Variants in TSPAN17 observed in about 807,000 individuals in gnomAD.
The protein encoded by TSPAN17 is tetraspanin-17.
In TSPAN17, 33 loss-of-function variants were observed where a neutral mutation model predicts 40.5. The observed-to-expected ratio is 0.81, with a 90% CI of 0.62 to 1.09. The LOEUF (loss-of-function observed/expected upper bound fraction) is 1.09, where lower values mean the gene tolerates loss of function less well. TSPAN17 is among the 50% of genes least tolerant of loss of function. The pLI is 0.00. For missense variants in TSPAN17, 365 were observed against 416.8 expected (o/e 0.88, Z 1.08); for synonymous variants, 166 against 169.4 (o/e 0.98, Z 0.15).
At chr5:176,653,055 G>C (rs940066156) in intron 4 of TSPAN17, 142 bp downstream of exon 4, 1 of 853,516 alleles carries the variant, frequency 1.2e-6, no homozygotes, top group Non-Finnish European at 1.8e-6. Flanking sequence ...GAGTGTCCTC[G>C]TCCGAGGAGA....
intron 3 of TSPAN17, among the ~76,000 whole-genome samples, chr5:176,652,125 G>C (rs1348269831): frequency 3.3e-5 from 5 of 152,192 alleles, no homozygotes; most frequent in Non-Finnish European, 5.9e-5. Flanking sequence ...GAAAAGTCCA[G>C]GGTTGTGCTG....
intron 5 of TSPAN17, among the ~76,000 whole-genome samples, chr5:176,655,308 C>T (rs745493411): frequency 3.9e-5 from 6 of 152,182 alleles, no homozygotes; most frequent in Non-Finnish European, 7.3e-5. Context: ...TAAACACAGC[C>T]GCAGCCATTG....
chr5:176,653,786 T>G (rs1761053039), intron 4 of TSPAN17: 2 of 152,192 alleles, frequency 1.3e-5, no homozygotes, highest in Admixed American at 1.3e-4. Context: ...GCAGTTATGA[T>G]GCAGTTCATT....
rs897477337 is a variant in TSPAN17, at chr5:176,650,267, G to A, written c.88-1349G>A. 2.0e-5 allele frequency among the ~76,000 whole-genome samples: 3 copies of A among 152,200 alleles called. No homozygotes were observed. Among genetic ancestry groups the A allele is most frequent in the African/African-American group, 4.8e-5 (2 of 41,462 alleles). On this transcript the variant is annotated intron_variant, in intron 1 of 8. Coordinates refer to ENST00000508164, the MANE Select transcript of TSPAN17 (RefSeq NM_130465.5). The surrounding 1 kb of genome is among the most constrained non-coding windows in gnomAD (Gnocchi z 4.0). ...GAAGACGAGCGTGAGGAGGAAGAACGGCAGAAGGCTGAGGCTGGAGGCCGT... is the reference window on the plus strand; with the variant it reads ...GAAGACGAGCGTGAGGAGGAAGAACAGCAGAAGGCTGAGGCTGGAGGCCGT...
Position 176,652,932 on chromosome 5 carries a change from C to G in TSPAN17, c.456+19C>G. On this transcript the variant is annotated intron_variant, in intron 4 of 8. Transcript: ENST00000508164. ...GGAATACGTGAGTCCAGTGTCCAGC[C>G]TGGGACACCTGTAGGAGGCGCCTTC... The G allele has an allele frequency of 6.2e-7, 1 of 1,612,892 alleles. No homozygotes were observed. The highest frequency in any genetic ancestry group is 8.5e-7 in the Non-Finnish European group (1 of 1,178,974).
chr5:176,654,870 C>G lies in TSPAN17; in HGVS notation c.457-25C>G, dbSNP rs781468565. 1.2e-6 allele frequency: 2 copies of G among 1,612,328 alleles called. No individual in the cohort carries two copies. Among genetic ancestry groups the G allele is most frequent in the Non-Finnish European group, 8.5e-7 (1 of 1,179,256 alleles). On this transcript the variant is annotated intron_variant, in intron 4 of 8. Transcript: ENST00000508164. The surrounding 1 kb of genome is among the most constrained non-coding windows in gnomAD (Gnocchi z 4.3). The stretch of plus-strand genomic sequence containing the variant: ...GGCTCCTGGGATGGGCCTGGCTCAC[C>G]TGGGGCTCTCCCCTGCCCCCACAGT...
intron 7 of TSPAN17, 21 bp from the exon 8 acceptor site, chr5:176,656,874 C>A (rs1441262118): frequency 1.2e-6 from 2 of 1,614,218 alleles, no homozygotes; most frequent in Non-Finnish European, 8.5e-7. Context: ...ACTCTCCCCT[C>A]ACCTGTCCTC....
Position 176,647,586 on chromosome 5 carries a change from G to A in TSPAN17, c.-30G>A. On this transcript the variant is annotated 5_prime_UTR_variant, in exon 1 of 9. Transcript: ENST00000508164. ...GGCGCTGGGCCTGGCTCCCGGCTCCGGTTTCCGGGCCGGCGGGTGGCCGCT... is the reference window on the plus strand; with the variant it reads ...GGCGCTGGGCCTGGCTCCCGGCTCCAGTTTCCGGGCCGGCGGGTGGCCGCT... 8 of 1,556,582 alleles carry A rather than the reference G, an allele frequency of 5.1e-6. No individual in the cohort carries two copies. Among genetic ancestry groups the A allele is most frequent in the East Asian group, 2.4e-5 (1 of 41,386 alleles).
rs1228189787 is a variant in TSPAN17, at chr5:176,647,553, G to A, written c.-63G>A. On this transcript the variant is annotated 5_prime_UTR_variant, in exon 1 of 9. Transcript: ENST00000508164. ...CCCCGGGCGGCTCTAGCCCAGGGCG[G>A]CCCGCGGGGCGCTGGGCCTGGCTCC... is the stretch of plus-strand genomic sequence containing the variant. The A allele has an allele frequency of 3.4e-6, 5 of 1,459,960 alleles. No individual in the cohort carries two copies. The highest frequency in any genetic ancestry group is 4.6e-6 in the Non-Finnish European group (5 of 1,092,778). The allele number at this position is 1,459,960 out of a possible 1,614,324, so 90.4% of individuals were successfully genotyped here.
intron 1 of TSPAN17, among the ~76,000 whole-genome samples, chr5:176,649,983 G>A (rs183707296): frequency 4.6e-5 from 7 of 152,166 alleles, no homozygotes; most frequent in African/African-American, 1.4e-4. Flanking sequence ...CCCCCATCTC[G>A]TCGCCCCGCT....
chr5:176,647,488 T>G lies in TSPAN17; in HGVS notation c.-128T>G. 1 of 547,866 alleles carries G rather than the reference T, an allele frequency of 1.8e-6. No homozygotes were observed. 33.9% of individuals were successfully genotyped at this position (547,866 alleles called of 1,614,324 possible). The stretch of plus-strand genomic sequence containing the variant: ...GGCGGGCGGGGCCCGACCGGCGCTC[T>G]GTGTGGCCGAGGCCATGAAGCCGCA... On this transcript the variant is annotated 5_prime_UTR_variant, in exon 1 of 9. Transcript: ENST00000508164.
chr5:176,652,587 T>C (rs1761011809), intron 3 of TSPAN17, among the ~76,000 whole-genome samples, 156 bp from the exon 4 acceptor site: 1 of 152,118 alleles, frequency 6.6e-6, no homozygotes, highest in Non-Finnish European at 1.5e-5. Context: ...ATTACCATCA[T>C]ATAACAATAC....
chr5:176,657,583 C>A lies in TSPAN17; in HGVS notation c.875C>A (p.Thr292Lys), dbSNP rs72809186. 6.2e-7 allele frequency: 1 copy of A among 1,613,638 alleles called. No individual in the cohort carries two copies. The highest frequency in any genetic ancestry group is 8.5e-7 in the Non-Finnish European group (1 of 1,179,738). The change falls in exon 9 of 9, where the codon ACG becomes AAG. Residue 292 changes from threonine to lysine, a missense_variant. By Grantham distance (78) the Thr-to-Lys change is moderately conservative. Coordinates refer to ENST00000508164, the MANE Select transcript of TSPAN17 (RefSeq NM_130465.5). ...LTPTISEVLS[T>K]AGPQQNSLTG... The stretch of plus-strand genomic sequence containing the variant: ...CCCACCATTTCCGAGGTCCTGTCCA[C>A]GGCGGGGCCTCAGCAGAACTCTCTG...
At position 176,654,924 on chromosome 5, in the gene TSPAN17, T is replaced by G; in HGVS notation, c.486T>G (p.Asn162Lys). Reference sequence around the variant, plus strand: ...CTTGCTGCGGAGCCCGAGGCCCCAATGACTGGAACCTCAATATCTACTTCA... The same window carrying G: ...CTTGCTGCGGAGCCCGAGGCCCCAAGGACTGGAACCTCAATATCTACTTCA... ...YWSCCGARGP[N>K]DWNLNIYFNC... Residue 162 changes from asparagine to lysine, a missense_variant, in exon 5 of 9, where the codon AAT becomes AAG. Asn to Lys is a moderately conservative substitution (Grantham distance 94, BLOSUM62 0). Coordinates refer to ENST00000508164, the MANE Select transcript of TSPAN17 (RefSeq NM_130465.5). This position sits in a 1 kb window ranked among gnomAD's most constrained non-coding sequence, Gnocchi z 4.3. 1 of 1,613,930 alleles carries G rather than the reference T, an allele frequency of 6.2e-7. No homozygotes were observed. The highest frequency in any genetic ancestry group is 8.5e-7 in the Non-Finnish European group (1 of 1,179,902).
At position 176,651,803 on chromosome 5, in the gene TSPAN17, C is replaced by T. The variant is rs2113466143; in HGVS notation, c.188C>T (p.Pro63Leu). Reference sequence around the variant, plus strand: ...CTGACAGATCTGGGAGGCCTTGACCCCGTGTGGCTGTTTGTGGTAGTTGGA... The same window carrying T: ...CTGACAGATCTGGGAGGCCTTGACCTCGTGTGGCTGTTTGTGGTAGTTGGA... The part of the protein sequence containing the change: ...SALTDLGGLD[P>L]VWLFVVVGGV... Residue 63 changes from proline (P) to leucine (L), a missense_variant, in exon 3 of 9, where the codon CCC (proline) becomes CTC (leucine). Transcript: ENST00000508164. The surrounding 1 kb of genome is among the most constrained non-coding windows in gnomAD (Gnocchi z 4.5). 6.2e-7 allele frequency: 1 copy of T among 1,614,138 alleles called. No individual in the cohort carries two copies. The highest frequency in any genetic ancestry group is 8.5e-7 in the Non-Finnish European group (1 of 1,180,020).
At chr5:176,648,079 GT>G (rs1346148182) in intron 1 of TSPAN17, among the ~76,000 whole-genome samples, 4 of 152,178 alleles carry the variant, frequency 2.6e-5, no homozygotes, top group Admixed American at 6.5e-5. Flanking sequence ...CCCACCCCTG[GT>G]TTAGCCGGTA....
At position 176,654,847 on chromosome 5, in the gene TSPAN17, C is replaced by A; in HGVS notation, c.457-48C>A. 3 of 1,605,472 alleles carry A rather than the reference C, an allele frequency of 1.9e-6. No individual in the cohort carries two copies. The highest frequency in any genetic ancestry group is 2.6e-6 in the Non-Finnish European group (3 of 1,175,692). ...GGGCTTGTTCCCAAACAGGGTGAGG[C>A]TCCTGGGATGGGCCTGGCTCACCTG... On this transcript the variant is annotated intron_variant, in intron 4 of 8. Transcript: ENST00000508164. This position sits in a 1 kb window ranked among gnomAD's most constrained non-coding sequence, Gnocchi z 4.3.
chr5:176,650,425 G>C lies in TSPAN17; in HGVS notation c.88-1191G>C, dbSNP rs1179877671. On this transcript the variant is annotated intron_variant, in intron 1 of 8. Transcript: ENST00000508164. The surrounding 1 kb of genome is among the most constrained non-coding windows in gnomAD (Gnocchi z 4.0). ...TCCTTGGCTCTGATTGGCTGCCTCTGGACCAATCCCCGGGGCAGGTGAAGG... is the reference window on the plus strand; with the variant it reads ...TCCTTGGCTCTGATTGGCTGCCTCTCGACCAATCCCCGGGGCAGGTGAAGG... Among the ~76,000 whole-genome samples the C allele has an allele frequency of 1.3e-5, 2 of 152,126 alleles. No individual in the cohort carries two copies. Among genetic ancestry groups the C allele is most frequent in the Admixed American group, 6.5e-5 (1 of 15,268 alleles).
chr5:176,653,885 C>T (rs1357058648), intron 4 of TSPAN17: 1 of 152,196 alleles, frequency 6.6e-6, no homozygotes, highest in Admixed American at 6.5e-5. Context: ...AAAGCTGGGA[C>T]CTGTCCTCTC....
Sources: gnomAD v4.1 joint callset for allele counts (sites outside exome capture counted in the v4.1 genomes callset) on GRCh38, gnomAD v4.1.1 for gene constraint, Gnocchi (gnomAD v3.1) non-coding constraint, MANE v1.5 for transcripts, NCBI Gene and HGNC (gene_info 2026-07-23, HGNC 2026-07-21) for gene names.